Variants in UBAP1 observed in about 807,000 individuals in gnomAD.
UBAP1 encodes ubiquitin-associated protein 1.
Under a neutral mutation model 39.0 loss-of-function variants are expected in UBAP1, and 5 were observed. That is an observed-to-expected ratio of 0.13 (90% confidence interval 0.07 to 0.27). The LOEUF is 0.27. UBAP1 is among the 10% of genes least tolerant of loss of function. The pLI is 1.00. For synonymous variants in UBAP1, 211 were observed against 225.1 expected, an observed-to-expected ratio of 0.94 and a Z score of 0.56; for missense variants, 490 against 608.1, an observed-to-expected ratio of 0.81 and a Z score of 2.04.
At chr9:34,186,751 A>G (rs1466964699) in intron 1 of UBAP1, among the ~76,000 whole-genome samples, 1 of 151,950 alleles carries the variant, frequency 6.6e-6, no homozygotes, top group African/African-American at 2.4e-5. Flanking sequence ...TATTCTGGAT[A>G]CTAATTATTT....
chr9:34,224,117 TG>T, intron 2 of UBAP1: 1 of 745,834 alleles, frequency 1.3e-6, no homozygotes, highest in Non-Finnish European at 2.1e-6. Flanking sequence ...CTGCTGGAAC[TG>T]CTCCTCCAGG....
intron 3 of UBAP1, among the ~76,000 whole-genome samples, chr9:34,235,460 T>A (rs1435375939): frequency 6.6e-6 from 1 of 152,036 alleles, no homozygotes. Flanking sequence ...TGCCTCAGCC[T>A]CCCGAGTAGC....
intron 1 of UBAP1, among the ~76,000 whole-genome samples, chr9:34,216,496 T>A (rs1021514803): frequency 2.6e-5 from 4 of 152,072 alleles, no homozygotes; most frequent in Non-Finnish European, 4.4e-5. Flanking sequence ...TTTTTTATTT[T>A]AAATTTTTTT....
chr9:34,192,819 T>C (rs1830806955), intron 1 of UBAP1, among the ~76,000 whole-genome samples: 1 of 152,150 alleles, frequency 6.6e-6, no homozygotes, highest in Admixed American at 6.6e-5. Flanking sequence ...GAAATATAAT[T>C]TAGATTTTAG....
chr9:34,226,512 C>T (rs1159275023), intron 2 of UBAP1, among the ~76,000 whole-genome samples: 3 of 152,146 alleles, frequency 2.0e-5, no homozygotes, highest in African/African-American at 7.2e-5. Flanking sequence ...TCTGGGATTA[C>T]AGGCATGAGC....
intron 1 of UBAP1, among the ~76,000 whole-genome samples, chr9:34,183,888 A>G (rs1364259340): frequency 3.3e-5 from 5 of 150,638 alleles, no homozygotes; most frequent in African/African-American, 1.2e-4. Flanking sequence ...CTCCTACCCC[A>G]GGCTCCCGAG....
chr9:34,196,337 C>T (rs1291794841), intron 1 of UBAP1, among the ~76,000 whole-genome samples: 6 of 146,566 alleles, frequency 4.1e-5, no homozygotes, highest in South Asian at 2.2e-4. Context: ...TTTTTGGAGA[C>T]GGAATTTCAC....
intron 1 of UBAP1, among the ~76,000 whole-genome samples, chr9:34,182,556 C>A (rs1830101536): frequency 6.6e-6 from 1 of 152,006 alleles, no homozygotes; most frequent in Non-Finnish European, 1.5e-5. Context: ...TATCATTAGC[C>A]TTGAGTGTAA....
chr9:34,187,191 A>G (rs2131499008), intron 1 of UBAP1, among the ~76,000 whole-genome samples: 1 of 152,342 alleles, frequency 6.6e-6, no homozygotes, highest in South Asian at 2.1e-4. Context: ...TACAGGCGTG[A>G]GCCACTGCGC....
At chr9:34,189,248 G>A (rs1286507900) in intron 1 of UBAP1, among the ~76,000 whole-genome samples, 2 of 150,864 alleles carry the variant, frequency 1.3e-5, no homozygotes, top group Non-Finnish European at 2.9e-5. Context: ...GAGTGCAGTG[G>A]TGCGATCTTG....
At position 34,210,832 on chromosome 9, in the gene UBAP1, C is replaced by T. The variant is rs565301583; in HGVS notation, c.-7-10076C>T. On this transcript the variant is annotated intron_variant, in intron 1 of 6. Coordinates refer to ENST00000297661, the MANE Select transcript of UBAP1 (RefSeq NM_016525.5). ...TGAAAGTTATATTTAATTCACCAAC[C>T]TTTTTTTTTCTTTAAACACATCGTT... is the stretch of plus-strand genomic sequence containing the variant. Among the ~76,000 whole-genome samples, 441 of 150,498 alleles carry T rather than the reference C, an allele frequency of 2.9e-3. 5 individuals are homozygous for T. Among genetic ancestry groups the T allele is most frequent in the African/African-American group, 1.0e-2 (409 of 41,080 alleles).
chr9:34,224,294 C>T, intron 2 of UBAP1: 2 of 450,826 alleles, frequency 4.4e-6, no homozygotes, highest in Non-Finnish European at 8.3e-6. Flanking sequence ...ATACGGTGTG[C>T]TGTCGATGAG....
chr9:34,208,986 G>A (rs191107628), intron 1 of UBAP1, among the ~76,000 whole-genome samples: 178 of 152,036 alleles, frequency 1.2e-3, no homozygotes, highest in Non-Finnish European at 2.1e-3. Context: ...TCAGGCTGGA[G>A]TGCAGTGGCG....
At chr9:34,185,707 G>A (rs774809575) in intron 1 of UBAP1, among the ~76,000 whole-genome samples, 67 of 152,142 alleles carry the variant, frequency 4.4e-4, no homozygotes, top group African/African-American at 2.2e-4. Context: ...TTAGCTGGGC[G>A]TGGTGGCAGG....
At chr9:34,200,922 T>A (rs1831332884) in intron 1 of UBAP1, among the ~76,000 whole-genome samples, 1 of 152,174 alleles carries the variant, frequency 6.6e-6, no homozygotes, top group Non-Finnish European at 1.5e-5. Flanking sequence ...ATTTTATTTT[T>A]TTTTGAGATG....
At chr9:34,233,901 A>G (rs1214110943) in intron 2 of UBAP1, among the ~76,000 whole-genome samples, 1 of 152,224 alleles carries the variant, frequency 6.6e-6, no homozygotes, top group Admixed American at 6.5e-5. Context: ...CTTTAAAAGC[A>G]GCAGTCACCA....
At chr9:34,190,960 A>G (rs1270778856) in intron 1 of UBAP1, among the ~76,000 whole-genome samples, 4 of 151,824 alleles carry the variant, frequency 2.6e-5, no homozygotes, top group African/African-American at 9.7e-5. Flanking sequence ...CTCTGGATAT[A>G]TTACTGGCAT....
At chr9:34,221,026 A>G (rs1392445812) in intron 2 of UBAP1, 78 bp downstream of exon 2, 3 of 1,304,450 alleles carry the variant, frequency 2.3e-6, no homozygotes, top group South Asian at 1.2e-5. Context: ...AGTTTTAAGT[A>G]CAAGTGCCCC....
chr9:34,216,554 G>T (rs867307557), intron 1 of UBAP1, among the ~76,000 whole-genome samples: 1 of 151,176 alleles, frequency 6.6e-6, no homozygotes, highest in South Asian at 2.1e-4. Context: ...GCAGTGGTGC[G>T]ATCATAGCTC....
Sources: allele counts gnomAD v4.1 joint callset (sites outside exome capture counted in the v4.1 genomes callset), GRCh38; gene constraint gnomAD v4.1.1; transcripts MANE v1.5; gene names NCBI Gene and HGNC (gene_info 2026-07-23, HGNC 2026-07-21).